The following NPHP4 variants were observed in gnomAD, a reference collection of about 807,000 sequenced individuals.
NPHP4 encodes nephrocystin-4.
NPHP4 carries 151 observed loss-of-function variants against 155.8 expected under a neutral mutation model. That is an observed-to-expected ratio of 0.97 (90% confidence interval 0.85 to 1.11). The LOEUF (loss-of-function observed/expected upper bound fraction) is 1.11. Among genes scored for constraint, NPHP4 ranks in the 50% least tolerant of loss-of-function variants. The probability of loss-of-function intolerance (pLI) is 0.00; values close to 1 mark genes in which losing one functional copy is unlikely to be tolerated. For synonymous variants in NPHP4, 845 were observed against 816.8 expected, an observed-to-expected ratio of 1.03 and a Z score of -0.59; for missense variants, 1,956 against 1,925.7, an observed-to-expected ratio of 1.02 and a Z score of -0.29.
At chr1:5,875,773 G>A (rs1477281518) in intron 20 of NPHP4, among the ~76,000 whole-genome samples, 1 of 152,254 alleles carries the variant, frequency 6.6e-6, no homozygotes, top group Non-Finnish European at 1.5e-5. Flanking sequence ...CCCCATGCCG[G>A]GGAGTCAGCC....
At position 5,863,534 on chromosome 1, in the gene NPHP4, C is replaced by T. The variant is rs1020575821; in HGVS notation, c.4141-129G>A. ...AGGCAGGGGAGCCCTGCGGGTGCAT[C>T]CAAGGCCTGCCTTTGACTTCAGCGC... On this transcript the variant is annotated intron_variant, in intron 29 of 29. Transcript: ENST00000378156. The T allele has an allele frequency of 5.4e-6, 6 of 1,103,236 alleles. No individual in the cohort carries two copies. In the African/African-American group the frequency reaches 7.8e-5, roughly 14 times the overall value. 68.3% of individuals were successfully genotyped at this position (1,103,236 alleles called of 1,614,324 possible). A position where few individuals can be genotyped will look rare whatever the true frequency, so the allele number is the denominator to read the frequency against.
chr1:5,874,636 C>A lies in NPHP4; in HGVS notation c.3066G>T (p.Glu1022Asp). ...PELSVIVDSQ[E>D]WRDFKGAAGL... ...CAGCAGCACCCTTGAAGTCCCTCCACTCCTGACTGTCCACGATGACGCTGG... is the reference window on the plus strand; with the variant it reads ...CAGCAGCACCCTTGAAGTCCCTCCAATCCTGACTGTCCACGATGACGCTGG... The change falls in exon 22 of 30, where the codon GAG (glutamate) becomes GAT (aspartate). Residue 1022 changes from glutamate (E) to aspartate (D), a missense_variant. Physicochemically the swap from Glu to Asp is conservative, Grantham distance 45 (BLOSUM62 2). Coordinates refer to ENST00000378156, the MANE Select transcript of NPHP4 (RefSeq NM_015102.5). 1 of 1,612,158 alleles carries A rather than the reference C, an allele frequency of 6.2e-7. No homozygotes were observed. Among genetic ancestry groups the A allele is most frequent in the Non-Finnish European group, 8.5e-7 (1 of 1,179,598 alleles).
chr1:5,946,684 G>C (rs1034034389), intron 9 of NPHP4, among the ~76,000 whole-genome samples: 3 of 152,254 alleles, frequency 2.0e-5, no homozygotes, highest in African/African-American at 7.2e-5. Context: ...GGTGGCTTCA[G>C]GATGGGGCTG....
intron 11 of NPHP4, among the ~76,000 whole-genome samples, chr1:5,916,625 A>G (rs56880263): frequency 1.0e-3 from 155 of 152,352 alleles, no homozygotes; most frequent in African/African-American, 3.4e-3. Context: ...TCCTTCCAGT[A>G]ACCAAGGCAC....
Position 5,948,051 on chromosome 1 carries a change from G to A in NPHP4, c.992+19C>T, listed in dbSNP as rs1647206033. 6.2e-7 allele frequency: 1 copy of A among 1,603,584 alleles called. No individual in the cohort carries two copies. The highest frequency in any genetic ancestry group is 8.5e-7 in the Non-Finnish European group (1 of 1,170,506). The stretch of plus-strand genomic sequence containing the variant: ...CCTTGCACATCCCCACCCATCCCTG[G>A]GGACCCAAGAGACAATACCTGGTCT... On this transcript the variant is annotated intron_variant, in intron 8 of 29. Transcript: ENST00000378156.
chr1:5,871,326 G>A (rs1364821053), intron 23 of NPHP4, among the ~76,000 whole-genome samples: 2 of 152,202 alleles, frequency 1.3e-5, no homozygotes, highest in Admixed American at 1.3e-4. Context: ...CAGCGTCTAA[G>A]AGCGGTGCCT....
intron 1 of NPHP4, among the ~76,000 whole-genome samples, chr1:5,988,271 C>T (rs558990264): frequency 1.3e-5 from 2 of 152,204 alleles, no homozygotes; most frequent in Non-Finnish European, 2.9e-5. Flanking sequence ...CACAATGACC[C>T]AAGAGACTCC....
At chr1:5,983,199 T>G (rs1654990485) in intron 2 of NPHP4, among the ~76,000 whole-genome samples, 1 of 152,218 alleles carries the variant, frequency 6.6e-6, no homozygotes, top group African/African-American at 2.4e-5. Context: ...CAACCATGAT[T>G]ATGAATCTGA....
chr1:5,922,533 T>C (rs1645794528), intron 11 of NPHP4, among the ~76,000 whole-genome samples: 1 of 151,912 alleles, frequency 6.6e-6, no homozygotes, highest in African/African-American at 2.4e-5. Flanking sequence ...TTGGCTATTC[T>C]TGACTATGGT....
intron 6 of NPHP4, among the ~76,000 whole-genome samples, chr1:5,961,247 G>A (rs1650261567): frequency 6.6e-6 from 1 of 152,180 alleles, no homozygotes; most frequent in Non-Finnish European, 1.5e-5. Context: ...CAGGGGCTGG[G>A]GGAGTAGGGA....
At chr1:5,975,482 T>C (rs1653387161) in intron 3 of NPHP4, among the ~76,000 whole-genome samples, 1 of 152,182 alleles carries the variant, frequency 6.6e-6, no homozygotes, top group Non-Finnish European at 1.5e-5. Flanking sequence ...TGCATTCCCT[T>C]CTTCAGCGAT....
intron 2 of NPHP4, among the ~76,000 whole-genome samples, chr1:5,983,799 T>G (rs569132815): frequency 6.6e-6 from 1 of 152,338 alleles, no homozygotes; most frequent in South Asian, 2.1e-4. Context: ...TTTCTGGGAA[T>G]ACTCTTCACC....
intron 10 of NPHP4, among the ~76,000 whole-genome samples, chr1:5,929,335 C>T (rs1646163159): frequency 6.6e-6 from 1 of 152,182 alleles, no homozygotes; most frequent in South Asian, 2.1e-4. Context: ...CAATACTGAA[C>T]ATGACGTTGA....
intron 18 of NPHP4, chr1:5,880,742 C>T (rs1643195184): frequency 5.9e-6 from 1 of 168,728 alleles, no homozygotes. Flanking sequence ...AGTGGTGTGG[C>T]CTCGGGACAA....
chr1:5,911,537 T>C (rs1171144393), intron 11 of NPHP4, among the ~76,000 whole-genome samples: 2 of 152,246 alleles, frequency 1.3e-5, no homozygotes, highest in African/African-American at 4.8e-5. Context: ...ATGCATTTTA[T>C]TTCCCCATCG....
intron 5 of NPHP4, 37 bp from the exon 6 acceptor site, chr1:5,961,986 G>A (rs188022760): frequency 1.9e-6 from 3 of 1,545,482 alleles, no homozygotes; most frequent in African/African-American, 2.7e-5. Context: ...ACTGATAGCT[G>A]AAAGCAAAGG....
At chr1:5,921,050 AG>A (rs1223656331) in intron 11 of NPHP4, among the ~76,000 whole-genome samples, 20 of 152,266 alleles carry the variant, frequency 1.3e-4, no homozygotes, top group Non-Finnish European at 2.9e-4. Flanking sequence ...ACAGACATTA[AG>A]TAACTGCTCT....
intron 9 of NPHP4, among the ~76,000 whole-genome samples, chr1:5,945,736 G>A (rs1476864167): frequency 6.6e-6 from 1 of 152,098 alleles, no homozygotes; most frequent in Non-Finnish European, 1.5e-5. Flanking sequence ...CCGTTTTTTG[G>A]TTTCTGATTT....
intron 16 of NPHP4, among the ~76,000 whole-genome samples, chr1:5,898,977 C>G (rs76166257): frequency 2.6e-5 from 4 of 152,194 alleles, no homozygotes; most frequent in African/African-American, 9.7e-5. Flanking sequence ...GCTCCAACCA[C>G]GAGATGCCTC....
Sources: gnomAD v4.1 joint callset for allele counts (sites outside exome capture counted in the v4.1 genomes callset) on GRCh38, gnomAD v4.1.1 for gene constraint, MANE v1.5 for transcripts, NCBI Gene and HGNC (gene_info 2026-07-23, HGNC 2026-07-21) for gene names.